NUP205: variants seen among roughly 807,000 people sequenced by gnomAD.
NUP205 encodes nucleoporin 205, also known as nuclear pore complex protein Nup205.
NUP205 carries 76 observed loss-of-function variants against 253.8 expected under a neutral mutation model. That is an observed-to-expected ratio of 0.30 (90% CI 0.25 to 0.36). The LOEUF is 0.36. Ranked by LOEUF, NUP205 falls within the 10% of genes least tolerant of loss-of-function variation. The pLI, the probability that NUP205 is intolerant of heterozygous loss-of-function variation, is 1.00. For missense variants in NUP205, 2,162 were observed against 2,425.5 expected (o/e 0.89, Z 2.28); for synonymous variants, 832 against 850.1 (o/e 0.98, Z 0.37).
intron 7 of NUP205, among the ~76,000 whole-genome samples, chr7:135,579,168 T>G (rs1467388559): frequency 6.6e-6 from 1 of 152,104 alleles, no homozygotes; most frequent in Non-Finnish European, 1.5e-5. Flanking sequence ...GGGTATGAGT[T>G]TAAAATTTGG....
chr7:135,616,675 G>C lies in NUP205; in HGVS notation c.3481G>C (p.Asp1161His). 1 of 1,566,926 alleles carries C rather than the reference G, an allele frequency of 6.4e-7. No individual in the cohort carries two copies. The highest frequency in any genetic ancestry group is 8.6e-7 in the Non-Finnish European group (1 of 1,160,440). The stretch of plus-strand genomic sequence containing the variant: ...AACAGATGGTGAAGGAGGAATAGAA[G>C]ATGAAAACAGGTCTGTTTCTGGGTT... Reference protein sequence around the residue: ...PYSDGEGGIEDENRSVSGFLH... With the variant: ...PYSDGEGGIEHENRSVSGFLH... The change falls in exon 25 of 43, where the codon GAT becomes CAT. Residue 1161 changes from aspartate to histidine, a missense_variant. Around this residue, in one of 5 missense-constraint regions of NUP205, gnomAD observed 1,144 missense variants for 1,280.9 expected, o/e 0.89. Coordinates refer to ENST00000285968, the MANE Select transcript of NUP205 (RefSeq NM_015135.3).
intron 3 of NUP205, among the ~76,000 whole-genome samples, chr7:135,575,836 C>G (rs900216642): frequency 6.6e-5 from 10 of 152,022 alleles, no homozygotes; most frequent in Admixed American, 5.9e-4. Context: ...TAAAAGGTGA[C>G]TGAACTTGAA....
chr7:135,618,353 G>C, intron 27 of NUP205, 59 bp from the exon 28 acceptor site: 1 of 1,400,126 alleles, frequency 7.1e-7, no homozygotes, highest in Non-Finnish European at 1.0e-6. Flanking sequence ...CTGAGTAACT[G>C]ACAGATAACT....
chr7:135,638,934 G>T (rs1401216796), intron 38 of NUP205, among the ~76,000 whole-genome samples: 2 of 152,168 alleles, frequency 1.3e-5, no homozygotes, highest in African/African-American at 2.4e-5. Context: ...GCACTTGAGG[G>T]CTCAAAGGAT....
chr7:135,594,713 C>A lies in NUP205; in HGVS notation c.1997C>A (p.Ser666Ter). 2 of 1,612,626 alleles carry A rather than the reference C, an allele frequency of 1.2e-6. No individual in the cohort carries two copies. Among genetic ancestry groups the A allele is most frequent in the South Asian group, 2.2e-5 (2 of 90,802 alleles). ...SPEIAASLWQ[S>*]LEYTQILQTV... is the part of the protein sequence containing the mutation. ...GAAATTGCTGCTTCCCTCTGGCAGTCATTGGAATACACTCAGGTAGGGCTC... is the reference window on the plus strand; with the variant it reads ...GAAATTGCTGCTTCCCTCTGGCAGTAATTGGAATACACTCAGGTAGGGCTC... Residue 666 changes from serine (S) to a stop codon, truncating the protein, a stop_gained, in exon 13 of 43, where the codon TCA (serine) becomes TAA (stop). Transcript: ENST00000285968. LOFTEE classifies it high-confidence loss of function.
chr7:135,622,634 T>C, intron 30 of NUP205, 143 bp from the exon 31 acceptor site: 2 of 691,612 alleles, frequency 2.9e-6, no homozygotes, highest in Non-Finnish European at 4.7e-6. Context: ...CAGTGGGCCT[T>C]TGTGTACAAG....
intron 5 of NUP205, 33 bp from the exon 6 acceptor site, chr7:135,577,759 AATTT>A: frequency 6.7e-7 from 1 of 1,485,958 alleles, no homozygotes; most frequent in African/African-American, 1.4e-5. Context: ...GCTTCACTGT[AATTT>A]ATTTATACTG....
At chr7:135,600,308 TG>T (rs2129490509) in intron 15 of NUP205, among the ~76,000 whole-genome samples, 1 of 152,312 alleles carries the variant, frequency 6.6e-6, no homozygotes, top group East Asian at 1.9e-4. Context: ...TACCAGTGAT[TG>T]TGTCTTCTTA....
At chr7:135,570,950 ATATT>A (rs540400085) in intron 1 of NUP205, among the ~76,000 whole-genome samples, 151 bp from the exon 2 acceptor site, 91 of 135,474 alleles carry the variant, frequency 6.7e-4, no homozygotes, top group African/African-American at 2.2e-3. Context: ...ACTAATTATA[ATATT>A]TATAATATAA....
chr7:135,635,878 G>T (rs1345106289), intron 36 of NUP205, among the ~76,000 whole-genome samples: 1 of 152,062 alleles, frequency 6.6e-6, no homozygotes, highest in Admixed American at 6.6e-5. Flanking sequence ...TGAGAATTTA[G>T]ATGTTTTTAC....
At position 135,643,206 on chromosome 7, in the gene NUP205, G is replaced by A. The variant is rs1291810507; in HGVS notation, c.5407G>A (p.Val1803Met). The A allele has an allele frequency of 2.5e-6, 4 of 1,613,876 alleles. No individual in the cohort carries two copies. In the South Asian group the frequency reaches 3.3e-5, roughly 13 times the overall value. ...DGPRQDTQAPVVPYWRLPGLG... is the reference protein window; with the variant it reads ...DGPRQDTQAPMVPYWRLPGLG... ...ACCTCTATTAGATACCCAAGCTCCA[G>A]TGGTTCCATACTGGCGCCTGCCTGG... The change falls in exon 39 of 43, where the codon GTG (valine) becomes ATG (methionine). Residue 1803 changes from valine to methionine, a missense_variant. By Grantham distance (21) the Val-to-Met change is conservative. This residue lies in a region of NUP205 where 1,144 missense variants were observed against 1,280.9 expected (regional missense o/e 0.89). Coordinates refer to ENST00000285968, the MANE Select transcript of NUP205 (RefSeq NM_015135.3).
chr7:135,571,305 G>A (rs1330369796), intron 2 of NUP205, 58 bp downstream of exon 2: 3 of 1,133,364 alleles, frequency 2.6e-6, no homozygotes, highest in African/African-American at 3.3e-5. Context: ...GATCGAGGAA[G>A]GAAGTAAACT....
chr7:135,579,115 A>G (rs971953292), intron 7 of NUP205, among the ~76,000 whole-genome samples, 200 bp downstream of exon 7: 4 of 151,964 alleles, frequency 2.6e-5, no homozygotes. Context: ...ATGAAATACT[A>G]TTTCCCATTC....
At chr7:135,608,479 G>C (rs1250352752) in intron 22 of NUP205, among the ~76,000 whole-genome samples, 1 of 151,450 alleles carries the variant, frequency 6.6e-6, no homozygotes, top group Non-Finnish European at 1.5e-5. Flanking sequence ...GGCTGAGGTG[G>C]TCTGGATCAC....
chr7:135,603,465 T>C (rs1036666147), intron 18 of NUP205, among the ~76,000 whole-genome samples: 4 of 151,838 alleles, frequency 2.6e-5, no homozygotes, highest in Non-Finnish European at 5.9e-5. Context: ...CTCTGAACTT[T>C]ACAATTTCTT....
intron 22 of NUP205, among the ~76,000 whole-genome samples, chr7:135,609,104 CA>C (rs1163880987): frequency 0.076 from 5,020 of 66,210 alleles, 92 homozygotes; most frequent in Middle Eastern, 0.13. Context: ...AACTCCGTCT[CA>C]AAAAAAAAAA....
intron 1 of NUP205, among the ~76,000 whole-genome samples, chr7:135,566,261 A>G (rs949292442): frequency 3.3e-5 from 5 of 151,900 alleles, no homozygotes; most frequent in Non-Finnish European, 5.9e-5. Flanking sequence ...GGTGTGCATC[A>G]TTGCACCTGG....
At chr7:135,568,426 A>T (rs1805845669) in intron 1 of NUP205, among the ~76,000 whole-genome samples, 1 of 151,692 alleles carries the variant, frequency 6.6e-6, no homozygotes, top group Non-Finnish European at 1.5e-5. Context: ...TCCACCTCCC[A>T]GGTTCAAGCG....
chr7:135,572,767 C>G (rs1412341545), intron 2 of NUP205, among the ~76,000 whole-genome samples: 1 of 152,114 alleles, frequency 6.6e-6, no homozygotes, highest in Non-Finnish European at 1.5e-5. Flanking sequence ...GTTCGCCAGG[C>G]TGGTCTTGAA....
Sources: gnomAD v4.1 joint callset for allele counts (sites outside exome capture counted in the v4.1 genomes callset) on GRCh38, gnomAD v4.1.1 for gene constraint, gnomAD v4.1.1 regional missense constraint, MANE v1.5 for transcripts, NCBI Gene and HGNC (gene_info 2026-07-23, HGNC 2026-07-21) for gene names.